The following HAVCR1 variants were observed in gnomAD, a reference collection of about 807,000 sequenced individuals.
The protein encoded by HAVCR1 is T cell immunoglobin domain and mucin domain protein 1.
HAVCR1 carries 34 observed loss-of-function variants against 32.0 expected under a neutral mutation model. The observed-to-expected ratio is 1.06, with a 90% CI of 0.81 to 1.42. The LOEUF is 1.42. Among genes scored for constraint, HAVCR1 ranks in the 40% most tolerant of loss-of-function variants. HAVCR1 has a pLI of 0.00. For missense variants in HAVCR1, 420 were observed against 442.3 expected (o/e 0.95, Z 0.45); for synonymous variants, 178 against 170.3 (o/e 1.05, Z -0.35).
At chr5:157,030,263 A>G (rs1240908101) in intron 8 of HAVCR1, among the ~76,000 whole-genome samples, 2 of 152,198 alleles carry the variant, frequency 1.3e-5, no homozygotes, top group East Asian at 3.9e-4. Context: ...AGGGTTGTTA[A>G]ATCTACTTAG....
upstream of HAVCR1, among the ~76,000 whole-genome samples, chr5:157,062,463 C>T (rs1345798938): frequency 6.6e-6 from 1 of 152,186 alleles, no homozygotes; most frequent in Non-Finnish European, 1.5e-5. Context: ...GCACATCGTA[C>T]CTCCAGCTCC....
At chr5:157,040,563 T>C (rs1754828720) in intron 6 of HAVCR1, among the ~76,000 whole-genome samples, 1 of 152,266 alleles carries the variant, frequency 6.6e-6, no homozygotes, top group South Asian at 2.1e-4. Flanking sequence ...GAATTTTTTA[T>C]ACAATGGCCA....
intron 6 of HAVCR1, among the ~76,000 whole-genome samples, chr5:157,039,233 TTACTA>T (rs1754719870): frequency 6.6e-6 from 1 of 152,248 alleles, no homozygotes; most frequent in African/African-American, 2.4e-5. Context: ...ACAGAAATAA[TTACTA>T]TATTCTATAT....
chr5:157,057,719 C>A (rs1014185291), intron 2 of HAVCR1, among the ~76,000 whole-genome samples, 179 bp downstream of exon 2: 1 of 152,202 alleles, frequency 6.6e-6, no homozygotes, highest in African/African-American at 2.4e-5. Context: ...TAAGCAATTT[C>A]TTTGGCCTAA....
At position 157,055,412 on chromosome 5, in the gene HAVCR1, T is replaced by C. The variant is rs1281440200; in HGVS notation, c.168A>G (p.Thr56=). 1.2e-6 allele frequency: 2 copies of C among 1,613,038 alleles called. No individual in the cohort carries two copies. Among genetic ancestry groups the C allele is most frequent in the South Asian group, 1.1e-5 (1 of 91,062 alleles). ...TGGTCCAGACAATGCCATTTTGGCA[T>C]GTGAATAGAGAACATGAGCCTCTAT... ...CWNRGSCSLF[T]CQNGIVWTNG... Residue 56 remains threonine (T), a synonymous_variant, in exon 3 of 9, where the codon ACA becomes ACG. Transcript: ENST00000523175.
intron 8 of HAVCR1, 36 bp downstream of exon 8, chr5:157,032,818 C>A (rs779638245): frequency 8.7e-6 from 11 of 1,266,340 alleles, no homozygotes; most frequent in African/African-American, 1.5e-5. Context: ...AGAGTAGGAA[C>A]CTCAAAAGTA....
the HAVCR1 span, among the ~76,000 whole-genome samples, chr5:157,067,077 A>G: frequency 9.2e-5 from 14 of 152,322 alleles, 1 homozygote; most frequent in African/African-American, 1.9e-4. Flanking sequence ...AGAGAGCTTT[A>G]GGAGAGCAAA....
In HAVCR1 at chr5:157,044,629, GAAAGAA is replaced by G. The variant is rs1554090539; in HGVS notation, c.782-1953_782-1948del. The stretch of plus-strand genomic sequence containing the variant: ...AAAGAAAGAAAGAGAAAGAAAGAAA[GAAAGAA>G]AGAAAGAAAGAAAGAAAGAAAGAAA... On this transcript the variant is annotated intron_variant, in intron 5 of 8. Coordinates refer to ENST00000523175, the MANE Select transcript of HAVCR1 (RefSeq NM_001173393.3). Among the ~76,000 whole-genome samples the G allele has an allele frequency of 2.3e-4, 14 of 61,660 alleles. No homozygotes were observed. In the South Asian group the frequency reaches 2.9e-3, roughly 13 times the overall value. The allele number at this position is 61,660 out of a possible 152,430, so 40.5% of individuals were successfully genotyped here.
chr5:157,054,702 T>C (rs563071976), intron 3 of HAVCR1, among the ~76,000 whole-genome samples: 1 of 152,298 alleles, frequency 6.6e-6, no homozygotes, highest in East Asian at 1.9e-4. Flanking sequence ...ATGGAAAATG[T>C]ATGGTGGAAA....
chr5:157,036,898 G>GTT (rs151088275), intron 7 of HAVCR1, among the ~76,000 whole-genome samples: 2 of 145,322 alleles, frequency 1.4e-5, no homozygotes, highest in African/African-American at 5.1e-5. Flanking sequence ...TTTTGTTTTT[G>GTT]TTTTTTTTTA....
At chr5:157,052,331 C>T (rs749847399) in intron 4 of HAVCR1, 30 bp downstream of exon 4, 7 of 1,604,192 alleles carry the variant, frequency 4.4e-6, no homozygotes, top group South Asian at 1.1e-5. Flanking sequence ...CATTAGAAGG[C>T]CTTTGGGCTT....
At chr5:157,042,758 C>T in intron 5 of HAVCR1, 76 bp from the exon 6 acceptor site, 1 of 871,502 alleles carries the variant, frequency 1.1e-6, no homozygotes, top group Non-Finnish European at 1.9e-6. Flanking sequence ...AATATATTCA[C>T]ATTACCTTCT....
At position 157,049,116 on chromosome 5, in the gene HAVCR1, C is replaced by T; in HGVS notation, c.703G>A (p.Ala235Thr). ...TGCAGTGTCGTAGGGTGGGTTTCTG[C>T]TGGCTGAGGTGAAGATGGTGAAGTG... Reference protein sequence around the residue: ...VATSPSSPQPAETHPTTLQGA... With the variant: ...VATSPSSPQPTETHPTTLQGA... Residue 235 changes from alanine (A) to threonine (T), a missense_variant, in exon 5 of 9, where the codon GCA (alanine) becomes ACA (threonine). By Grantham distance (58) the Ala-to-Thr change is moderately conservative. Coordinates refer to ENST00000523175, the MANE Select transcript of HAVCR1 (RefSeq NM_001173393.3). The T allele has an allele frequency of 1.9e-6, 3 of 1,611,934 alleles. No individual in the cohort carries two copies. The highest frequency in any genetic ancestry group is 2.5e-6 in the Non-Finnish European group (3 of 1,178,064).
the HAVCR1 span, among the ~76,000 whole-genome samples, chr5:157,065,417 G>A: frequency 2.0e-5 from 3 of 152,330 alleles, no homozygotes; most frequent in Admixed American, 2.0e-4. Context: ...GGGCCTTCCA[G>A]CATCAAAAGA....
chr5:157,052,644 C>T lies in HAVCR1; in HGVS notation c.390G>A (p.Thr130=), dbSNP rs199527556. ...VSLEIVPPKV[T]TTPIVTTVPT... Reference sequence around the variant, plus strand: ...GAACAGTTGTGACAATTGGAGTAGTCGTGACCTTGGCTGGAGTCAGAAATC... The same window carrying T: ...GAACAGTTGTGACAATTGGAGTAGTTGTGACCTTGGCTGGAGTCAGAAATC... Residue 130 remains threonine (T), a synonymous_variant, in exon 4 of 9, where the codon ACG becomes ACA. Transcript: ENST00000523175. The T allele has an allele frequency of 6.5e-4, 1,041 of 1,613,024 alleles. 2 individuals carry two copies. Among genetic ancestry groups the T allele is most frequent in the Non-Finnish European group, 5.7e-4 (668 of 1,179,182 alleles).
At chr5:157,041,797 G>A (rs1166458562) in intron 6 of HAVCR1, among the ~76,000 whole-genome samples, 5 of 152,090 alleles carry the variant, frequency 3.3e-5, no homozygotes, top group South Asian at 2.1e-4. Context: ...GGTGGCTCAC[G>A]CCTGTAATCC....
At chr5:157,038,513 C>G (rs1432776777) in intron 6 of HAVCR1, among the ~76,000 whole-genome samples, 2 of 152,206 alleles carry the variant, frequency 1.3e-5, no homozygotes, top group African/African-American at 4.8e-5. Context: ...GAATCTATTT[C>G]TATGTCTAGC....
intron 6 of HAVCR1, among the ~76,000 whole-genome samples, chr5:157,037,819 G>T (rs1754625633): frequency 6.6e-6 from 1 of 152,136 alleles, no homozygotes; most frequent in South Asian, 2.1e-4. Context: ...TTCGAGACCA[G>T]CCTGGGCAAC....
At chr5:157,044,113 C>A (rs774309630) in intron 5 of HAVCR1, among the ~76,000 whole-genome samples, 5 of 152,044 alleles carry the variant, frequency 3.3e-5, no homozygotes, top group African/African-American at 7.2e-5. Flanking sequence ...AGGCAGATCC[C>A]TTGAAGTCAG....
Sources: gnomAD v4.1 joint callset for allele counts (sites outside exome capture counted in the v4.1 genomes callset) on GRCh38, gnomAD v4.1.1 for gene constraint, MANE v1.5 for transcripts, NCBI Gene and HGNC (gene_info 2026-07-23, HGNC 2026-07-21) for gene names.